SCUBE3: variants seen among roughly 807,000 people sequenced by gnomAD.
The protein encoded by SCUBE3 is signal peptide, CUB domain and EGF like domain containing 3.
SCUBE3 carries 33 observed loss-of-function variants against 116.8 expected under a neutral mutation model. The observed-to-expected ratio is 0.28, with a 90% confidence interval of 0.21 to 0.38. The LOEUF (loss-of-function observed/expected upper bound fraction) is 0.38, where lower values mean the gene tolerates loss of function less well. Ranked by LOEUF, SCUBE3 falls within the 10% of genes least tolerant of loss-of-function variation. The pLI, the probability that SCUBE3 is intolerant of heterozygous loss-of-function variation, is 1.00. For synonymous variants in SCUBE3, 418 were observed against 496.9 expected, an observed-to-expected ratio of 0.84 and a Z score of 2.11; for missense variants, 1,007 against 1,324.8, an observed-to-expected ratio of 0.76 and a Z score of 3.72.
chr6:35,217,448 T>C (rs1782965951), intron 1 of SCUBE3, among the ~76,000 whole-genome samples: 1 of 151,590 alleles, frequency 6.6e-6, no homozygotes. Context: ...GATAAAGTCA[T>C]GCATTTAGAA....
rs1311249711 is a variant in SCUBE3 at position 35,242,382 on chromosome 6, G to A, written c.1534+62G>A. 3 of 1,223,508 alleles carry A rather than the reference G, an allele frequency of 2.5e-6. No homozygotes were observed. The African/African-American group carries it at 4.5e-5, about 18-fold the overall frequency. 75.8% of individuals were successfully genotyped at this position (1,223,508 alleles called of 1,614,324 possible). On this transcript the variant is annotated intron_variant, in intron 13 of 21. Coordinates refer to ENST00000274938, the MANE Select transcript of SCUBE3 (RefSeq NM_152753.4). ...GCCACTAAATCCTCCTTACCCCTCA[G>A]CTCCTCTGCTTCCAAAAACCCACCA...
chr6:35,217,491 C>G (rs1383580548), intron 1 of SCUBE3, among the ~76,000 whole-genome samples: 1 of 150,386 alleles, frequency 6.6e-6, no homozygotes, highest in Non-Finnish European at 1.5e-5. Context: ...GGACTGAGAG[C>G]GTTCATGTGG....
intron 2 of SCUBE3, among the ~76,000 whole-genome samples, 153 bp downstream of exon 2, chr6:35,227,855 C>T (rs910050152): frequency 6.6e-6 from 1 of 152,126 alleles, no homozygotes; most frequent in Non-Finnish European, 1.5e-5. Flanking sequence ...TGCATCTTCC[C>T]AGAGAGGGTG....
intron 1 of SCUBE3, among the ~76,000 whole-genome samples, chr6:35,226,314 C>T (rs1285383836): frequency 6.6e-6 from 1 of 152,026 alleles, no homozygotes; most frequent in Non-Finnish European, 1.5e-5. Context: ...TTTGTTTCTC[C>T]TTTTGGCTGG....
intron 1 of SCUBE3, among the ~76,000 whole-genome samples, chr6:35,226,165 T>C (rs1705373433): frequency 6.6e-6 from 1 of 152,200 alleles, no homozygotes; most frequent in African/African-American, 2.4e-5. Flanking sequence ...CCGGCACCAG[T>C]CCAGGCTATC....
At position 35,239,933 on chromosome 6, in the gene SCUBE3, A is replaced by G; in HGVS notation, c.952+59A>G. 2 of 1,455,524 alleles carry G rather than the reference A, an allele frequency of 1.4e-6. No homozygotes were observed. The highest frequency in any genetic ancestry group is 1.8e-6 in the Non-Finnish European group (2 of 1,085,710). 90.2% of individuals were successfully genotyped at this position (1,455,524 alleles called of 1,614,324 possible). A position where few individuals can be genotyped will look rare whatever the true frequency, so the allele number is the denominator to read the frequency against. ...GAGAGGTTCTTGTGGGAGAGCTTCA[A>G]GGAGGCCAGAGGGCTAAAGTCTTAG... On this transcript the variant is annotated intron_variant, in intron 8 of 21. Transcript: ENST00000274938. This position sits in a 1 kb window ranked among gnomAD's most constrained non-coding sequence, Gnocchi z 4.1.
At position 35,241,758 on chromosome 6, in the gene SCUBE3, C is replaced by T. The variant is rs202139316; in HGVS notation, c.1313-48C>T. The T allele has an allele frequency of 3.8e-5, 58 of 1,534,262 alleles. No individual in the cohort carries two copies. The African/African-American group carries it at 6.3e-4, about 17-fold the overall frequency. ...ATTCCCCCTGGATTCCTCCAGCCAG[C>T]GGGGGTTGGGAAGGCAGGTCAGAAC... On this transcript the variant is annotated intron_variant, in intron 11 of 21. Coordinates refer to ENST00000274938, the MANE Select transcript of SCUBE3 (RefSeq NM_152753.4). This position sits in a 1 kb window ranked among gnomAD's most constrained non-coding sequence, Gnocchi z 4.1.
In SCUBE3 at chr6:35,244,022, C is replaced by T. The variant is rs367956358; in HGVS notation, c.2131C>T (p.Arg711Cys). ...DGFKPCQPCP[R>C]GTYQPEAGRT... ...GTTCAAGCCCTGTCAGCCATGCCCA[C>T]GTGGCACCTACCAACCTGAAGCAGG... Residue 711 changes from arginine (R) to cysteine (C), a missense_variant, in exon 17 of 22, where the codon CGT becomes TGT. Around this residue, in one of 5 missense-constraint regions of SCUBE3, gnomAD observed 544 missense variants for 638.9 expected, o/e 0.85. Coordinates refer to ENST00000274938, the MANE Select transcript of SCUBE3 (RefSeq NM_152753.4). This position sits in a 1 kb window ranked among gnomAD's most constrained non-coding sequence, Gnocchi z 4.3. 5.6e-6 allele frequency: 9 copies of T among 1,614,016 alleles called. No individual in the cohort carries two copies. Among genetic ancestry groups the T allele is most frequent in the African/African-American group, 4.0e-5 (3 of 74,924 alleles).
At chr6:35,236,816 TA>T (rs2150304121) in intron 6 of SCUBE3, among the ~76,000 whole-genome samples, 1 of 152,214 alleles carries the variant, frequency 6.6e-6, no homozygotes, top group East Asian at 1.9e-4. Flanking sequence ...TCTTTCTCTC[TA>T]ATGGGAGAAT....
chr6:35,237,804 G>A, intron 6 of SCUBE3, 98 bp from the exon 7 acceptor site: 1 of 687,656 alleles, frequency 1.5e-6, no homozygotes. Context: ...GGCAGCTGAG[G>A]CCTTCCCTCG....
chr6:35,244,607 C>T lies in SCUBE3; in HGVS notation c.2240-43C>T, dbSNP rs1784249800. On this transcript the variant is annotated intron_variant, in intron 17 of 21. Coordinates refer to ENST00000274938, the MANE Select transcript of SCUBE3 (RefSeq NM_152753.4). The surrounding 1 kb of genome is among the most constrained non-coding windows in gnomAD (Gnocchi z 4.3). ...TCCATCCCATGCCCCGTAACTCCCA[C>T]CTGCCTACCATCTTGATTCCTGCCC... The T allele has an allele frequency of 1.3e-6, 2 of 1,573,930 alleles. No individual in the cohort carries two copies. Among genetic ancestry groups the T allele is most frequent in the Admixed American group, 1.7e-5 (1 of 59,590 alleles).
At position 35,216,803 on chromosome 6, in the gene SCUBE3, G is replaced by T. The variant is rs530188047; in HGVS notation, c.85+2300G>T. Among the ~76,000 whole-genome samples, 14 of 152,260 alleles carry T rather than the reference G, an allele frequency of 9.2e-5. No individual in the cohort carries two copies. In the East Asian group the frequency reaches 1.4e-3, roughly 15 times the overall value. Reference sequence around the variant, plus strand: ...GCACGGAGTTACTATACCTCTGGGGGTATCTGGGTTTCTGTCCCTTTTCAT... The same window carrying T: ...GCACGGAGTTACTATACCTCTGGGGTTATCTGGGTTTCTGTCCCTTTTCAT... On this transcript the variant is annotated intron_variant, in intron 1 of 21. Transcript: ENST00000274938.
intron 1 of SCUBE3, among the ~76,000 whole-genome samples, chr6:35,216,910 G>A (rs1026168322): frequency 1.3e-5 from 2 of 151,340 alleles, no homozygotes; most frequent in Admixed American, 6.6e-5. Flanking sequence ...TAAGTGTAAA[G>A]GTGAGTGTGC....
At chr6:35,227,822 G>C (rs1315003032) in intron 2 of SCUBE3, 120 bp downstream of exon 2, 24 of 1,045,072 alleles carry the variant, frequency 2.3e-5, no homozygotes, top group South Asian at 1.5e-4. Context: ...GTCAAGTGGT[G>C]GGGGGGTGGT....
At position 35,227,674 on chromosome 6, in the gene SCUBE3, C is replaced by T; in HGVS notation, c.180C>T (p.Gly60=). ...PRSYKCICKS[G]YTGDGKHCKD... ...CATACAAGTGCATCTGCAAGTCTGG[C>T]TACACAGGGGACGGCAAACACTGCA... Residue 60 remains glycine (G), a synonymous_variant, in exon 2 of 22, where the codon GGC becomes GGT. Transcript: ENST00000274938. The T allele has an allele frequency of 6.2e-7, 1 of 1,614,138 alleles. No individual in the cohort carries two copies. Among genetic ancestry groups the T allele is most frequent in the Non-Finnish European group, 8.5e-7 (1 of 1,180,012 alleles).
Position 35,241,329 on chromosome 6 carries a change from G to A in SCUBE3, c.1195+63G>A. 6.5e-7 allele frequency: 1 copy of A among 1,527,802 alleles called. No individual in the cohort carries two copies. Among genetic ancestry groups the A allele is most frequent in the Non-Finnish European group, 8.9e-7 (1 of 1,121,018 alleles). 94.6% of individuals were successfully genotyped at this position (1,527,802 alleles called of 1,614,324 possible). ...CATTTCAGGGAGCAGTTGGGGTTCT[G>A]GAAAGCATAGAGTATCACATTGGGG... On this transcript the variant is annotated intron_variant, in intron 10 of 21. Transcript: ENST00000274938. This position sits in a 1 kb window ranked among gnomAD's most constrained non-coding sequence, Gnocchi z 4.1.
In SCUBE3 at chr6:35,241,092, C is replaced by T. The variant is rs369625254; in HGVS notation, c.1070-49C>T. The stretch of plus-strand genomic sequence containing the variant: ...TCACTCACTGCCTACTCTCCGGCTC[C>T]TCCTCCAACTCCATCGTTGTTTTTC... On this transcript the variant is annotated intron_variant, in intron 9 of 21. Coordinates refer to ENST00000274938, the MANE Select transcript of SCUBE3 (RefSeq NM_152753.4). The surrounding 1 kb of genome is among the most constrained non-coding windows in gnomAD (Gnocchi z 4.1). The T allele has an allele frequency of 1.2e-5, 18 of 1,552,122 alleles. No homozygotes were observed. The highest frequency in any genetic ancestry group is 1.5e-5 in the Non-Finnish European group (17 of 1,140,198).
At position 35,246,084 on chromosome 6, in the gene SCUBE3, G is replaced by A; in HGVS notation, c.2740G>A (p.Val914Ile). ...CGCCCGTGGCTTCCAGATTCCCTAT[G>A]TTACCTATGATGGTAAGCCAAGGAG... ...NSARGFQIPYVTYDEDYEQLV... is the reference protein window; with the variant it reads ...NSARGFQIPYITYDEDYEQLV... Residue 914 changes from valine to isoleucine, a missense_variant, in exon 20 of 22, where the codon GTT becomes ATT. By Grantham distance (29) the Val-to-Ile change is conservative. Around this residue, in one of 5 missense-constraint regions of SCUBE3, gnomAD observed 118 missense variants for 196.6 expected, o/e 0.60. Coordinates refer to ENST00000274938, the MANE Select transcript of SCUBE3 (RefSeq NM_152753.4). 6.2e-7 allele frequency: 1 copy of A among 1,614,106 alleles called. No homozygotes were observed. Among genetic ancestry groups the A allele is most frequent in the Non-Finnish European group, 8.5e-7 (1 of 1,180,016 alleles).
Position 35,241,503 on chromosome 6 carries a change from G to C in SCUBE3, c.1196-40G>C. On this transcript the variant is annotated intron_variant, in intron 10 of 21. Transcript: ENST00000274938. This position sits in a 1 kb window ranked among gnomAD's most constrained non-coding sequence, Gnocchi z 4.1. ...CTCCAAATTACCCAACTGAGGGAAA[G>C]GAATGCATTCATTTGCTCAGGCCTC... 1 of 1,391,850 alleles carries C rather than the reference G, an allele frequency of 7.2e-7. No individual in the cohort carries two copies. Among genetic ancestry groups the C allele is most frequent in the Non-Finnish European group, 1.0e-6 (1 of 977,386 alleles). 86.2% of individuals were successfully genotyped at this position (1,391,850 alleles called of 1,614,324 possible).
Sources: gnomAD v4.1 joint callset for allele counts (sites outside exome capture counted in the v4.1 genomes callset) on GRCh38, gnomAD v4.1.1 for gene constraint, gnomAD v4.1.1 regional missense constraint, Gnocchi (gnomAD v3.1) non-coding constraint, MANE v1.5 for transcripts, NCBI Gene and HGNC (gene_info 2026-07-23, HGNC 2026-07-21) for gene names.